HNF4G: variants seen among roughly 807,000 people sequenced by gnomAD.
HNF4G encodes the protein hepatocyte nuclear factor 4-gamma.
Under a neutral mutation model 50.9 loss-of-function variants are expected in HNF4G, and 21 were observed. That is an observed-to-expected ratio of 0.41 (90% CI 0.29 to 0.59). HNF4G has a LOEUF of 0.59. Ranked by LOEUF, HNF4G falls within the 20% of genes least tolerant of loss-of-function variation. HNF4G has a pLI of 0.26. For synonymous variants in HNF4G, 198 were observed against 185.6 expected, an observed-to-expected ratio of 1.07 and a Z score of -0.54; for missense variants, 527 against 559.4, an observed-to-expected ratio of 0.94 and a Z score of 0.58.
At chr8:75,428,823 C>T (rs190077473) in intron 1 of HNF4G, among the ~76,000 whole-genome samples, 1 of 152,180 alleles carries the variant, frequency 6.6e-6, no homozygotes, top group East Asian at 1.9e-4. Context: ...TGAGAAGCTA[C>T]TGAGATATTT....
At chr8:75,477,364 A>T (rs947696080) in intron 1 of HNF4G, among the ~76,000 whole-genome samples, 1 of 152,190 alleles carries the variant, frequency 6.6e-6, no homozygotes, top group African/African-American at 2.4e-5. Context: ...GTTAGACTTT[A>T]TCAATATCGT....
At chr8:75,458,369 CTTT>C (rs61411885) in intron 1 of HNF4G, among the ~76,000 whole-genome samples, 18 of 117,084 alleles carry the variant, frequency 1.5e-4, no homozygotes, top group Admixed American at 7.1e-4. Flanking sequence ...AATGGTCTAA[CTTT>C]TTTTTTTTTT....
At chr8:75,448,640 C>G (rs1049844775) in intron 1 of HNF4G, among the ~76,000 whole-genome samples, 1 of 151,534 alleles carries the variant, frequency 6.6e-6, no homozygotes, top group African/African-American at 2.4e-5. Flanking sequence ...CTGCTGGATA[C>G]TGTTATGAAT....
intron 1 of HNF4G, among the ~76,000 whole-genome samples, chr8:75,472,430 C>T (rs986932742): frequency 2.0e-5 from 3 of 152,070 alleles, no homozygotes; most frequent in South Asian, 2.1e-4. Flanking sequence ...CTGGTGTAGC[C>T]GAACCCTCTC....
intron 1 of HNF4G, among the ~76,000 whole-genome samples, chr8:75,430,507 A>G (rs980251349): frequency 2.6e-5 from 4 of 151,028 alleles, no homozygotes; most frequent in Non-Finnish European, 5.9e-5. Context: ...AGAGAGGGAG[A>G]GAGAGAGAGA....
intron 1 of HNF4G, among the ~76,000 whole-genome samples, chr8:75,408,371 T>C (rs904823508): frequency 6.6e-6 from 1 of 152,138 alleles, no homozygotes; most frequent in African/African-American, 2.4e-5. Context: ...TAAGTACTTC[T>C]GTGGCCTGGG....
chr8:75,431,978 A>C (rs1811027177), intron 1 of HNF4G, among the ~76,000 whole-genome samples: 1 of 151,758 alleles, frequency 6.6e-6, no homozygotes, highest in Admixed American at 6.6e-5. Context: ...AGTGGCTTAC[A>C]CCTGTAATCC....
chr8:75,558,888 A>C lies in HNF4G; in HGVS notation c.974A>C (p.Gln325Pro), dbSNP rs1015171595. ...IGLEDYINDRQYDSRGRFGEL... is the reference protein window; with the variant it reads ...IGLEDYINDRPYDSRGRFGEL... ...TTGGAGGACTACATCAATGATCGGCAGTATGACTCCCGGGGGAGGTTTGGA... is the reference window on the plus strand; with the variant it reads ...TTGGAGGACTACATCAATGATCGGCCGTATGACTCCCGGGGGAGGTTTGGA... The change falls in exon 8 of 10, where the codon CAG (glutamine) becomes CCG (proline). Residue 325 changes from glutamine (Q) to proline (P), a missense_variant. Gln to Pro is a moderately conservative substitution (Grantham distance 76). This residue lies in a region of HNF4G where 308 missense variants were observed against 301.5 expected (regional missense o/e 1.02). Transcript: ENST00000396423. The C allele has an allele frequency of 1.2e-6, 2 of 1,613,928 alleles. No individual in the cohort carries two copies. The highest frequency in any genetic ancestry group is 1.7e-6 in the Non-Finnish European group (2 of 1,179,954).
chr8:75,495,587 G>T (rs1812747665), intron 2 of HNF4G: 2 of 148,606 alleles, frequency 1.3e-5, no homozygotes, highest in South Asian at 4.2e-4. Flanking sequence ...ACCCAGGCTG[G>T]AGCGCAGTGG....
At position 75,448,512 on chromosome 8, in the gene HNF4G, T is replaced by TA. The variant is rs1188409041; in HGVS notation, c.-144+40361dup. ...TAAAAAAAAAAAAAAACAAATACCT[T>TA]AAAAAAAAAAAGAAAACCTAATATT... On this transcript the variant is annotated intron_variant, in intron 1 of 10. Coordinates refer to the HNF4G transcript ENST00000354370. 4.6e-3 allele frequency among the ~76,000 whole-genome samples: 639 copies of TA among 138,954 alleles called. 13 individuals are homozygous for TA. Among genetic ancestry groups the TA allele is most frequent in the African/African-American group, 0.016 (590 of 37,916 alleles). The allele number at this position is 138,954 out of a possible 152,430, so 91.2% of individuals were successfully genotyped here. A position where few individuals can be genotyped will look rare whatever the true frequency, so the allele number is the denominator to read the frequency against.
At chr8:75,462,008 C>G (rs1366955475) in intron 1 of HNF4G, among the ~76,000 whole-genome samples, 1 of 151,080 alleles carries the variant, frequency 6.6e-6, no homozygotes, top group Admixed American at 6.6e-5. Flanking sequence ...ACCTCCGCCT[C>G]CTGGGTTCAA....
In HNF4G at chr8:75,471,468, G is replaced by A. The variant is rs551392806; in HGVS notation, c.-143-18621G>A. 9.5e-4 allele frequency among the ~76,000 whole-genome samples: 144 copies of A among 152,166 alleles called. 1 individual carries two copies. Among genetic ancestry groups the A allele is most frequent in the African/African-American group, 3.3e-3 (139 of 41,524 alleles). The stretch of plus-strand genomic sequence containing the variant: ...ACATAGTTTGAATAGTTAAAATGAC[G>A]TCTTACATTGATAGAGTGTTTCAGT... On this transcript the variant is annotated intron_variant, in intron 1 of 10. Coordinates refer to the HNF4G transcript ENST00000354370.
intron 6 of HNF4G, among the ~76,000 whole-genome samples, chr8:75,557,093 T>C (rs1372905097): frequency 6.6e-6 from 1 of 152,190 alleles, no homozygotes; most frequent in Admixed American, 6.5e-5. Context: ...CTTGAATTTC[T>C]AGTAAACATC....
At chr8:75,530,578 T>C in intron 2 of HNF4G, among the ~76,000 whole-genome samples, 1 of 152,106 alleles carries the variant, frequency 6.6e-6, no homozygotes, top group African/African-American at 2.4e-5. Context: ...TTAGGGTAAC[T>C]TTAGGTTTAA....
intron 2 of HNF4G, among the ~76,000 whole-genome samples, chr8:75,520,404 ACTTT>A (rs1354439422): frequency 1.3e-5 from 2 of 151,686 alleles, no homozygotes; most frequent in African/African-American, 2.4e-5. Context: ...TTATGATTTT[ACTTT>A]CTTTCTCGTT....
intron 2 of HNF4G, among the ~76,000 whole-genome samples, chr8:75,513,614 A>G (rs1805812335): frequency 6.6e-6 from 1 of 152,072 alleles, no homozygotes; most frequent in Admixed American, 6.5e-5. Flanking sequence ...TATTTCAATA[A>G]TTGACACATT....
intron 6 of HNF4G, among the ~76,000 whole-genome samples, chr8:75,556,401 G>A (rs1807127396): frequency 6.6e-6 from 1 of 152,042 alleles, no homozygotes; most frequent in Non-Finnish European, 1.5e-5. Context: ...GTCTCAATGT[G>A]TTTTCATATT....
At chr8:75,523,949 G>T (rs535827537) in intron 2 of HNF4G, among the ~76,000 whole-genome samples, 184 of 151,346 alleles carry the variant, frequency 1.2e-3, no homozygotes, top group African/African-American at 4.1e-3. Flanking sequence ...CCTTATATGG[G>T]GTACCTTTTA....
intron 1 of HNF4G, among the ~76,000 whole-genome samples, chr8:75,419,475 A>G (rs1373393510): frequency 3.3e-5 from 5 of 152,250 alleles, no homozygotes; most frequent in African/African-American, 1.2e-4. Flanking sequence ...CAAAAGTTTC[A>G]AGATGTCAGA....
Sources: gnomAD v4.1 joint callset for allele counts (sites outside exome capture counted in the v4.1 genomes callset) on GRCh38, gnomAD v4.1.1 for gene constraint, gnomAD v4.1.1 regional missense constraint, MANE v1.5 for transcripts, NCBI Gene and HGNC (gene_info 2026-07-23, HGNC 2026-07-21) for gene names.